ADAM32: variants seen among roughly 807,000 people sequenced by gnomAD.
ADAM32 encodes disintegrin and metalloproteinase domain-containing protein 32.
In ADAM32, 89 loss-of-function variants were observed where a neutral mutation model predicts 114.9. The observed-to-expected ratio is 0.77, with a 90% CI of 0.65 to 0.92. The LOEUF is 0.92. Among genes scored for constraint, ADAM32 ranks in the 40% least tolerant of loss-of-function variants. The pLI is 0.00. For missense variants in ADAM32, 870 were observed against 932.8 expected, an observed-to-expected ratio of 0.93 and a Z score of 0.88; for synonymous variants, 285 against 307.5, an observed-to-expected ratio of 0.93 and a Z score of 0.77.
chr8:39,263,441 G>A (rs998463429), intron 19 of ADAM32, among the ~76,000 whole-genome samples: 3 of 152,032 alleles, frequency 2.0e-5, no homozygotes, highest in African/African-American at 7.3e-5. Flanking sequence ...TGAACTTCCT[G>A]TACTTTAGTG....
At chr8:39,237,232 G>A (rs148206227) in intron 16 of ADAM32, among the ~76,000 whole-genome samples, 163 of 150,606 alleles carry the variant, frequency 1.1e-3, no homozygotes, top group African/African-American at 3.6e-3. Flanking sequence ...CCTGGGAAGC[G>A]ATTTCTGATT....
At chr8:39,161,038 G>T in intron 7 of ADAM32, 73 bp downstream of exon 7, 1 of 1,281,496 alleles carries the variant, frequency 7.8e-7, no homozygotes, top group South Asian at 1.5e-5. Flanking sequence ...TAGCTAGACA[G>T]AAACTAAAAG....
chr8:39,260,134 T>C (rs1238281439), intron 19 of ADAM32, among the ~76,000 whole-genome samples: 1 of 152,174 alleles, frequency 6.6e-6, no homozygotes, highest in Non-Finnish European at 1.5e-5. Flanking sequence ...TGCTGTAAAA[T>C]GATTATCACA....
intron 2 of ADAM32, among the ~76,000 whole-genome samples, chr8:39,119,678 C>T (rs1840513992): frequency 6.6e-6 from 1 of 152,108 alleles, no homozygotes; most frequent in Non-Finnish European, 1.5e-5. Flanking sequence ...GGTGTTTTCT[C>T]AAACACAAAC....
chr8:39,232,949 T>C (rs1019182399), intron 15 of ADAM32, among the ~76,000 whole-genome samples: 8 of 152,160 alleles, frequency 5.3e-5, no homozygotes, highest in Admixed American at 2.0e-4. Flanking sequence ...CCTTAGAGTG[T>C]AGGGGTTACA....
intron 11 of ADAM32, among the ~76,000 whole-genome samples, chr8:39,201,347 C>T (rs1807389791): frequency 6.6e-6 from 1 of 151,994 alleles, no homozygotes; most frequent in East Asian, 1.9e-4. Context: ...GTTCACATCC[C>T]CTGTAAGTTG....
chr8:39,222,511 A>G (rs1809040893), intron 13 of ADAM32, among the ~76,000 whole-genome samples: 2 of 152,052 alleles, frequency 1.3e-5, no homozygotes, highest in Admixed American at 6.6e-5. Flanking sequence ...GAAAGAGTCT[A>G]CGTATTTCCA....
At position 39,233,977 on chromosome 8, in the gene ADAM32, T is replaced by C. The variant is rs1305266333; in HGVS notation, c.1713T>C (p.Tyr571=). The change falls in exon 16 of 25, where the codon TAT becomes TAC. Residue 571 remains tyrosine (Y), a synonymous_variant. Coordinates refer to ENST00000379907, the MANE Select transcript of ADAM32 (RefSeq NM_145004.7). ...ATCAAGAAAATGGTGATGTGATTTATGCTTTCGTACGAGATTCTGTATGCA... is the reference window on the plus strand; with the variant it reads ...ATCAAGAAAATGGTGATGTGATTTACGCTTTCGTACGAGATTCTGTATGCA... The part of the protein sequence containing the change: ...PFHQENGDVI[Y]AFVRDSVCIT... The C allele has an allele frequency of 3.2e-6, 5 of 1,587,080 alleles. No individual in the cohort carries two copies. Among genetic ancestry groups the C allele is most frequent in the Non-Finnish European group, 3.4e-6 (4 of 1,165,124 alleles).
At chr8:39,245,968 GA>G in intron 16 of ADAM32, 114 bp from the exon 17 acceptor site, 1 of 835,022 alleles carries the variant, frequency 1.2e-6, no homozygotes. Context: ...GTACTTAGAG[GA>G]AAATTTGTAT....
chr8:39,130,952 A>ATTTTT, intron 2 of ADAM32: 1 of 359,974 alleles, frequency 2.8e-6, no homozygotes, highest in Non-Finnish European at 5.3e-6. Context: ...AGGCAGGAGG[A>ATTTTT]TGTCTTTTTT....
chr8:39,125,154 A>G (rs1269379920), intron 2 of ADAM32, among the ~76,000 whole-genome samples: 1 of 152,150 alleles, frequency 6.6e-6, no homozygotes. Flanking sequence ...TCTTTTTGCA[A>G]GAGTCTGTTC....
chr8:39,271,539 C>CA (rs5891057), intron 20 of ADAM32, among the ~76,000 whole-genome samples: 1,532 of 129,012 alleles, frequency 0.012, 20 homozygotes, highest in African/African-American at 0.033. Flanking sequence ...TGAAAAACCT[C>CA]AAAAAAAAAA....
rs1432045652 is a variant in ADAM32 at position 39,275,724 on chromosome 8, G to A, written c.2241-104G>A. 3 of 1,075,290 alleles carry A rather than the reference G, an allele frequency of 2.8e-6. No homozygotes were observed. In the East Asian group the frequency reaches 8.5e-5, roughly 30 times the overall value. 66.6% of individuals were successfully genotyped at this position (1,075,290 alleles called of 1,614,324 possible). On this transcript the variant is annotated intron_variant, in intron 21 of 24. Coordinates refer to ENST00000379907, the MANE Select transcript of ADAM32 (RefSeq NM_145004.7). ...TTCTTCAGTGGTGATTCTTGGTAGA[G>A]AAGAATTAACACAGGTTGTAAAATG...
chr8:39,197,190 CGTT>C (rs1807067329), intron 11 of ADAM32, among the ~76,000 whole-genome samples: 1 of 151,836 alleles, frequency 6.6e-6, no homozygotes, highest in Non-Finnish European at 1.5e-5. Flanking sequence ...TGTAATGTCT[CGTT>C]ATCATTATTT....
chr8:39,244,271 A>C (rs1810750736), intron 16 of ADAM32, among the ~76,000 whole-genome samples: 1 of 152,230 alleles, frequency 6.6e-6, no homozygotes. Flanking sequence ...AAACGATCCT[A>C]AAATTCATAT....
intron 9 of ADAM32, chr8:39,167,598 T>C (rs1804923797): frequency 6.6e-6 from 1 of 151,956 alleles, no homozygotes; most frequent in Non-Finnish European, 1.5e-5. Flanking sequence ...GGTATTTTGA[T>C]GGGGATTGAA....
chr8:39,138,712 T>C (rs1296759544), intron 3 of ADAM32, among the ~76,000 whole-genome samples: 1 of 152,200 alleles, frequency 6.6e-6, no homozygotes, highest in African/African-American at 2.4e-5. Flanking sequence ...CTGGGTCAAA[T>C]GGTATTTCTA....
intron 14 of ADAM32, among the ~76,000 whole-genome samples, chr8:39,228,577 G>T (rs1046401582): frequency 2.0e-5 from 3 of 152,104 alleles, no homozygotes; most frequent in Non-Finnish European, 4.4e-5. Context: ...GTAGAAGAAA[G>T]AAATTCAGAG....
chr8:39,175,371 G>T (rs930868514), intron 10 of ADAM32, among the ~76,000 whole-genome samples: 3 of 152,074 alleles, frequency 2.0e-5, no homozygotes, highest in African/African-American at 7.2e-5. Flanking sequence ...TTTCTACCTA[G>T]TTTACTGAGA....
Sources: gnomAD v4.1 joint callset for allele counts (sites outside exome capture counted in the v4.1 genomes callset) on GRCh38, gnomAD v4.1.1 for gene constraint, MANE v1.5 for transcripts, NCBI Gene and HGNC (gene_info 2026-07-23, HGNC 2026-07-21) for gene names.